Variants in TMEM117 observed in about 807,000 individuals in gnomAD.
TMEM117 encodes transmembrane protein 117.
A neutral mutation model predicts 52.4 loss-of-function variants in TMEM117; 27 were observed. That is an observed-to-expected ratio of 0.51 (90% CI 0.38 to 0.71). The LOEUF (loss-of-function observed/expected upper bound fraction) is 0.71, where lower values mean the gene tolerates loss of function less well. TMEM117 is among the 30% of genes least tolerant of loss of function. TMEM117 has a pLI of 0.00. For missense variants in TMEM117, 556 were observed against 630.5 expected (o/e 0.88, Z 1.26); for synonymous variants, 215 against 206.3 (o/e 1.04, Z -0.36).
chr12:43,959,699 G>C (rs764742914), intron 3 of TMEM117, among the ~76,000 whole-genome samples: 1 of 152,024 alleles, frequency 6.6e-6, no homozygotes, highest in Non-Finnish European at 1.5e-5. Flanking sequence ...AGGAGTGTTT[G>C]TGTGTTTGCT....
At chr12:44,306,436 A>C (rs1950904438) in intron 6 of TMEM117, among the ~76,000 whole-genome samples, 1 of 152,186 alleles carries the variant, frequency 6.6e-6, no homozygotes, top group Non-Finnish European at 1.5e-5. Context: ...TCTTAGATTT[A>C]TGTGCATCAA....
chr12:43,914,701 T>G (rs1268361021), intron 2 of TMEM117, among the ~76,000 whole-genome samples: 1 of 150,550 alleles, frequency 6.6e-6, no homozygotes, highest in African/African-American at 2.5e-5. Context: ...TCTCCTGTCT[T>G]TCTTTCATTC....
At chr12:43,980,032 C>G (rs1043678744) in intron 3 of TMEM117, among the ~76,000 whole-genome samples, 1 of 152,158 alleles carries the variant, frequency 6.6e-6, no homozygotes, top group Non-Finnish European at 1.5e-5. Context: ...CCTTGTTGAT[C>G]TTGTATTACT....
In TMEM117 at chr12:44,196,762, A is replaced by G. The variant is rs139912525; in HGVS notation, c.511-14528A>G. ...GAAACACTCATTCCATAACATTATAATTATATCTGCTTTCAAGCAACAATA... is the reference window on the plus strand; with the variant it reads ...GAAACACTCATTCCATAACATTATAGTTATATCTGCTTTCAAGCAACAATA... On this transcript the variant is annotated intron_variant, in intron 4 of 7. Coordinates refer to ENST00000266534, the MANE Select transcript of TMEM117 (RefSeq NM_032256.3). 6.2e-3 allele frequency among the ~76,000 whole-genome samples: 940 copies of G among 152,280 alleles called. 12 individuals carry two copies. Among genetic ancestry groups the G allele is most frequent in the Non-Finnish European group, 6.0e-3 (406 of 68,020 alleles).
At chr12:43,807,292 A>AG in the TMEM117 span, among the ~76,000 whole-genome samples, 5 of 152,216 alleles carry the variant, frequency 3.3e-5, no homozygotes, top group East Asian at 9.6e-4. Flanking sequence ...CCAGTACTAT[A>AG]CGATGTATTT....
intron 6 of TMEM117, among the ~76,000 whole-genome samples, chr12:44,342,569 T>C (rs552932175): frequency 1.3e-5 from 2 of 151,564 alleles, no homozygotes; most frequent in Middle Eastern, 3.4e-3. Flanking sequence ...AATTTGCATA[T>C]GTAGGCAGAG....
chr12:44,050,321 C>T (rs553259494), intron 3 of TMEM117, among the ~76,000 whole-genome samples: 167 of 152,262 alleles, frequency 1.1e-3, no homozygotes, highest in African/African-American at 3.8e-3. Flanking sequence ...GGATTACAAG[C>T]GTGTACCACC....
chr12:43,998,924 A>C (rs879718004), intron 3 of TMEM117, among the ~76,000 whole-genome samples: 1 of 152,234 alleles, frequency 6.6e-6, no homozygotes, highest in Non-Finnish European at 1.5e-5. Context: ...GAATATTCAA[A>C]TACCCAAACA....
chr12:43,800,549 T>C, the TMEM117 span: 476 of 1,577,142 alleles, frequency 3.0e-4, 6 homozygotes, highest in East Asian at 9.6e-3. Context: ...TTGTGAAAGT[T>C]TACTTAGTTT....
intron 5 of TMEM117, among the ~76,000 whole-genome samples, chr12:44,275,252 C>T (rs984820440): frequency 2.6e-5 from 4 of 152,088 alleles, no homozygotes; most frequent in African/African-American, 4.8e-5. Context: ...AGTGAGATGT[C>T]GTCTCACCCC....
chr12:43,899,192 C>T (rs544654774), intron 2 of TMEM117, among the ~76,000 whole-genome samples: 1 of 152,206 alleles, frequency 6.6e-6, no homozygotes, highest in East Asian at 1.9e-4. Context: ...AATTACAAAA[C>T]CCAAAATATT....
chr12:43,905,939 T>C (rs1329976052), intron 2 of TMEM117, among the ~76,000 whole-genome samples: 2 of 152,244 alleles, frequency 1.3e-5, no homozygotes, highest in Admixed American at 6.5e-5. Context: ...CTTAGTATCA[T>C]TACTGTTTAT....
At chr12:44,330,539 A>T (rs985033382) in intron 6 of TMEM117, among the ~76,000 whole-genome samples, 6 of 152,024 alleles carry the variant, frequency 3.9e-5, no homozygotes, top group Non-Finnish European at 4.4e-5. Flanking sequence ...TTGATGAGAT[A>T]TTTTACATTT....
intron 2 of TMEM117, among the ~76,000 whole-genome samples, chr12:43,899,043 A>G (rs1436942801): frequency 6.6e-6 from 1 of 152,218 alleles, no homozygotes; most frequent in Admixed American, 6.5e-5. Context: ...GATCAGAAAG[A>G]TCTTGAGAAT....
At chr12:43,978,908 G>A (rs1945716052) in intron 3 of TMEM117, among the ~76,000 whole-genome samples, 1 of 151,064 alleles carries the variant, frequency 6.6e-6, no homozygotes, top group South Asian at 2.1e-4. Context: ...ATCTTGTTGG[G>A]GAATGTTTAG....
intron 3 of TMEM117, among the ~76,000 whole-genome samples, chr12:44,042,647 A>G (rs1946817757): frequency 1.3e-5 from 2 of 151,996 alleles, no homozygotes; most frequent in South Asian, 4.2e-4. Flanking sequence ...CTGCCCTCCA[A>G]CATCAGACTC....
chr12:44,191,602 A>G (rs1386895177), intron 4 of TMEM117, among the ~76,000 whole-genome samples: 1 of 152,074 alleles, frequency 6.6e-6, no homozygotes, highest in Non-Finnish European at 1.5e-5. Flanking sequence ...CTGATTCTAA[A>G]TTTTTTGAGG....
intron 6 of TMEM117, among the ~76,000 whole-genome samples, chr12:44,357,533 A>G (rs1352598661): frequency 1.3e-5 from 2 of 152,132 alleles, no homozygotes; most frequent in Non-Finnish European, 2.9e-5. Context: ...TACATAGAGT[A>G]GAACATTCTA....
At chr12:44,276,809 AAATT>A (rs1458225956) in intron 5 of TMEM117, among the ~76,000 whole-genome samples, 3 of 152,234 alleles carry the variant, frequency 2.0e-5, no homozygotes, top group East Asian at 1.9e-4. Flanking sequence ...TTCAATTTAA[AAATT>A]AATTAGTGTG....
Sources: allele counts gnomAD v4.1 joint callset (sites outside exome capture counted in the v4.1 genomes callset), GRCh38; gene constraint gnomAD v4.1.1; transcripts MANE v1.5; gene names NCBI Gene and HGNC (gene_info 2026-07-23, HGNC 2026-07-21).